PLEKHB1: variants seen among roughly 807,000 people sequenced by gnomAD.
PLEKHB1 encodes the protein pleckstrin homology domain-containing family B member 1.
PLEKHB1 carries 29 observed loss-of-function variants against 36.2 expected under a neutral mutation model. That is an observed-to-expected ratio of 0.80 (90% CI 0.60 to 1.09). The LOEUF is 1.09. PLEKHB1 is among the 50% of genes least tolerant of loss of function. The pLI is 0.00. For synonymous variants in PLEKHB1, 138 were observed against 140.0 expected, an observed-to-expected ratio of 0.99 and a Z score of 0.10; for missense variants, 330 against 348.2, an observed-to-expected ratio of 0.95 and a Z score of 0.42.
Position 73,653,075 on chromosome 11 carries a change from G to A in PLEKHB1, c.390+61G>A. 3 of 1,525,946 alleles carry A rather than the reference G, an allele frequency of 2.0e-6. No individual in the cohort carries two copies. The South Asian group carries it at 3.6e-5, about 18-fold the overall frequency. The allele number at this position is 1,525,946 out of a possible 1,614,324, so 94.5% of individuals were successfully genotyped here. ...CTCCATGTGCCATGGAATCATGAGTGACTCAGACTCGGTCTCCACCTGCCA... is the reference window on the plus strand; with the variant it reads ...CTCCATGTGCCATGGAATCATGAGTAACTCAGACTCGGTCTCCACCTGCCA... On this transcript the variant is annotated intron_variant, in intron 5 of 7. Coordinates refer to ENST00000354190, the MANE Select transcript of PLEKHB1 (RefSeq NM_021200.3).
rs199893863 is a variant in PLEKHB1 at position 73,650,717 on chromosome 11, C to G, written c.247+12C>G. The G allele has an allele frequency of 2.8e-5, 44 of 1,590,610 alleles. No homozygotes were observed. In the African/African-American group the frequency reaches 5.6e-4, roughly 20 times the overall value. Reference sequence around the variant, plus strand: ...CCCAGAGTGCCATGGTGAGCAGAAGCCCCTTCCTCTGTGGCACCGTGACTG... The same window carrying G: ...CCCAGAGTGCCATGGTGAGCAGAAGGCCCTTCCTCTGTGGCACCGTGACTG... On this transcript the variant is annotated intron_variant, in intron 3 of 7. Transcript: ENST00000354190.
chr11:73,651,583 G>A (rs974556305), intron 3 of PLEKHB1: 13 of 662,686 alleles, frequency 2.0e-5, no homozygotes, highest in Admixed American at 4.3e-5. Context: ...ACTGGGAGGT[G>A]TGCTGAGGGA....
intron 1 of PLEKHB1, chr11:73,647,924 C>T: frequency 1.0e-6 from 1 of 985,516 alleles, no homozygotes; most frequent in Non-Finnish European, 1.2e-6. Flanking sequence ...GGGGCGGAGG[C>T]ACCCGCTGGC....
At chr11:73,654,142 A>T (rs931099008) in intron 5 of PLEKHB1, among the ~76,000 whole-genome samples, 2 of 152,082 alleles carry the variant, frequency 1.3e-5, no homozygotes, top group African/African-American at 4.8e-5. Flanking sequence ...CAGACTGGAG[A>T]TCTGGATTAA....
chr11:73,648,848 C>T, intron 1 of PLEKHB1, 164 bp from the exon 2 acceptor site: 1 of 1,377,944 alleles, frequency 7.3e-7, no homozygotes. Flanking sequence ...TGCTCCCATT[C>T]TCTTCCTGAG....
chr11:73,661,736 C>T lies in PLEKHB1; in HGVS notation c.*134C>T. ...TCCATTAGCTCCTTCCGGGTTTGGACCATTCCCCCCACTCCCTACCCTTAA... is the reference window on the plus strand; with the variant it reads ...TCCATTAGCTCCTTCCGGGTTTGGATCATTCCCCCCACTCCCTACCCTTAA... On this transcript the variant is annotated 3_prime_UTR_variant, in exon 8 of 8. Transcript: ENST00000354190. This position sits in a 1 kb window ranked among gnomAD's most constrained non-coding sequence, Gnocchi z 4.6. 1 of 1,118,434 alleles carries T rather than the reference C, an allele frequency of 8.9e-7. No homozygotes were observed. The allele number at this position is 1,118,434 out of a possible 1,614,324, so 69.3% of individuals were successfully genotyped here.
At chr11:73,655,768 C>G (rs1330327696) in intron 5 of PLEKHB1, 35 bp from the exon 6 acceptor site, 1 of 1,592,970 alleles carries the variant, frequency 6.3e-7, no homozygotes, top group Non-Finnish European at 8.6e-7. Flanking sequence ...CCCCCTCCCT[C>G]CCTCCTCCTT....
intron 2 of PLEKHB1, among the ~76,000 whole-genome samples, chr11:73,649,528 C>T (rs1266404126): frequency 6.6e-6 from 1 of 152,202 alleles, no homozygotes; most frequent in African/African-American, 2.4e-5. Context: ...TCCACAGTCC[C>T]CCAACCCCGG....
In PLEKHB1 at chr11:73,661,011, G is replaced by A. The variant is rs965099093; in HGVS notation, c.595+159G>A. The A allele has an allele frequency of 1.6e-5, 11 of 700,848 alleles. No homozygotes were observed. Among genetic ancestry groups the A allele is most frequent in the Non-Finnish European group, 2.7e-5 (11 of 412,988 alleles). 43.4% of individuals were successfully genotyped at this position (700,848 alleles called of 1,614,324 possible). ...GCAAGCCCCTCTCCATCCTGAGACT[G>A]GGAGAGCTCTGGAACCAGCGTTCGT... is the stretch of plus-strand genomic sequence containing the variant. On this transcript the variant is annotated intron_variant, in intron 7 of 7. Transcript: ENST00000354190. This position sits in a 1 kb window ranked among gnomAD's most constrained non-coding sequence, Gnocchi z 4.6.
intron 6 of PLEKHB1, among the ~76,000 whole-genome samples, chr11:73,659,434 C>T (rs1945060925): frequency 6.6e-6 from 1 of 152,068 alleles, no homozygotes; most frequent in Admixed American, 6.6e-5. Context: ...GACCCCTCTC[C>T]AGGTCTGCTC....
rs1405421054 is a variant in PLEKHB1, at chr11:73,660,833, C to G, written c.576C>G (p.Tyr192Ter). Reference protein sequence around the residue: ...NAHEATYVRSYYGPPYAGPGV... With the variant: ...NAHEATYVRS ...ACGAGGCCACGTATGTCCGCAGCTA[C>G]TACGGACCGCCCTACGCAGGTAAGT... Residue 192 changes from tyrosine (Y) to a stop codon, truncating the protein, a stop_gained, in exon 7 of 8, where the codon TAC becomes TAG. Coordinates refer to ENST00000354190, the MANE Select transcript of PLEKHB1 (RefSeq NM_021200.3). LOFTEE classifies it high-confidence loss of function. 6.3e-7 allele frequency: 1 copy of G among 1,593,752 alleles called. No homozygotes were observed. The highest frequency in any genetic ancestry group is 8.5e-7 in the Non-Finnish European group (1 of 1,172,350).
chr11:73,649,393 G>A (rs12292319), intron 2 of PLEKHB1, among the ~76,000 whole-genome samples: 1,769 of 152,038 alleles, frequency 0.012, 33 homozygotes, highest in African/African-American at 0.041. Flanking sequence ...CGGTTTTCAC[G>A]GCGCCTTACA....
At chr11:73,660,652 T>G in intron 6 of PLEKHB1, 101 bp from the exon 7 acceptor site, 2 of 1,121,780 alleles carry the variant, frequency 1.8e-6, no homozygotes, top group Non-Finnish European at 1.3e-6. Flanking sequence ...CTTGGGGAGG[T>G]GGCTCCATGG....
intron 5 of PLEKHB1, among the ~76,000 whole-genome samples, chr11:73,653,776 G>T (rs1365292846): frequency 6.6e-6 from 1 of 152,168 alleles, no homozygotes; most frequent in Admixed American, 6.5e-5. Flanking sequence ...AGGACAGCTG[G>T]GGTGGCTGGT....
At chr11:73,660,493 T>G in intron 6 of PLEKHB1, 1 of 508,300 alleles carries the variant, frequency 2.0e-6, no homozygotes, top group East Asian at 3.4e-5. Context: ...CCATAGAGAA[T>G]TTTTTGAGCT....
intron 6 of PLEKHB1, 23 bp downstream of exon 6, chr11:73,655,930 C>G (rs1944985679): frequency 1.9e-6 from 3 of 1,603,186 alleles, no homozygotes; most frequent in Middle Eastern, 3.3e-4. Context: ...TCGGCCCTCC[C>G]TGCCTCCATA....
At chr11:73,647,398 T>C in intron 1 of PLEKHB1, 1 of 239,968 alleles carries the variant, frequency 4.2e-6, no homozygotes, top group Non-Finnish European at 6.7e-6. Context: ...GGAACTGAGT[T>C]CAATGATTCT....
intron 1 of PLEKHB1, chr11:73,647,560 C>T: frequency 1.0e-6 from 1 of 985,540 alleles, no homozygotes; most frequent in Non-Finnish European, 1.2e-6. Flanking sequence ...CTCCCCCTCC[C>T]TGGGGTGGGC....
At position 73,660,842 on chromosome 11, in the gene PLEKHB1, G is replaced by A. The variant is rs1239362393; in HGVS notation, c.585G>A (p.Pro195=). 1.9e-6 allele frequency: 3 copies of A among 1,586,222 alleles called. No homozygotes were observed. Among genetic ancestry groups the A allele is most frequent in the Admixed American group, 1.8e-5 (1 of 56,524 alleles). ...EATYVRSYYG[P]PYAGPGVTHV... ...CGTATGTCCGCAGCTACTACGGACC[G>A]CCCTACGCAGGTAAGTCTCCAGCGT... The change falls in exon 7 of 8, where the codon CCG becomes CCA. Residue 195 remains proline (P), a synonymous_variant. Transcript: ENST00000354190.
Sources: gnomAD v4.1 joint callset for allele counts (sites outside exome capture counted in the v4.1 genomes callset) on GRCh38, gnomAD v4.1.1 for gene constraint, Gnocchi (gnomAD v3.1) non-coding constraint, MANE v1.5 for transcripts, NCBI Gene and HGNC (gene_info 2026-07-23, HGNC 2026-07-21) for gene names.